The following ZNF77 variants were observed in gnomAD, a reference collection of about 807,000 sequenced individuals.
ZNF77 encodes zinc finger protein 77, also known as ZNFpT1.
Under a neutral mutation model 13.5 loss-of-function variants are expected in ZNF77, and 15 were observed. The observed-to-expected ratio is 1.11, with a 90% CI of 0.74 to 1.71. ZNF77 has a LOEUF of 1.71. ZNF77 is among the 40% of genes most tolerant of loss of function. ZNF77 has a pLI of 0.00. For synonymous variants in ZNF77, 282 were observed against 250.0 expected (o/e 1.13, Z -1.21); for missense variants, 717 against 676.4 (o/e 1.06, Z -0.67).
At position 2,934,337 on chromosome 19, in the gene ZNF77, CTG is replaced by C; in HGVS notation, c.788_789del (p.Thr263ArgfsTer6). The C allele has an allele frequency of 2.5e-6, 4 of 1,614,188 alleles. No individual in the cohort carries two copies. The highest frequency in any genetic ancestry group is 3.4e-6 in the Non-Finnish European group (4 of 1,180,042). ...SYLTRHVRTH[T>X]GEKPYECKEC... ...TCCTTACACTCATAGGGTTTCTCTC[CTG>C]TGTGAGTTCTTACGTGCCGTGTAAG... On this transcript the variant is annotated frameshift_variant, in exon 4 of 4. Coordinates refer to ENST00000314531, the MANE Select transcript of ZNF77 (RefSeq NM_021217.3). LOFTEE classifies it low-confidence loss of function (END_TRUNC).
rs368211745 is a variant in ZNF77, at chr19:2,941,130, T to A, written c.4-1723A>T. 4.4e-5 allele frequency among the ~76,000 whole-genome samples: 6 copies of A among 137,564 alleles called. No individual in the cohort carries two copies. In the Admixed American group the frequency reaches 4.8e-4, roughly 11 times the overall value. 90.2% of individuals were successfully genotyped at this position (137,564 alleles called of 152,430 possible). A position where few individuals can be genotyped will look rare whatever the true frequency, so the allele number is the denominator to read the frequency against. The stretch of plus-strand genomic sequence containing the variant: ...GTTGAGGCTGTAGTGAGCCACGATG[T>A]CACCACTGCACTCCAGCGTGGGTGA... On this transcript the variant is annotated intron_variant, in intron 1 of 3. Transcript: ENST00000314531.
intron 1 of ZNF77, among the ~76,000 whole-genome samples, chr19:2,943,690 G>C (rs1246429624): frequency 1.2e-5 from 1 of 83,162 alleles, no homozygotes; most frequent in African/African-American, 4.4e-5. Context: ...TCTCTAGCCA[G>C]GATTTTTTTT....
intron 1 of ZNF77, among the ~76,000 whole-genome samples, chr19:2,943,898 C>G (rs1333175286): frequency 8.6e-5 from 13 of 151,574 alleles, no homozygotes; most frequent in Admixed American, 8.6e-4. Flanking sequence ...TTAGTAGAGA[C>G]GGGATTTCGC....
chr19:2,944,949 C>A lies in ZNF77; in HGVS notation c.-109G>T. 2 of 1,390,324 alleles carry A rather than the reference C, an allele frequency of 1.4e-6. No individual in the cohort carries two copies. The highest frequency in any genetic ancestry group is 1.4e-5 in the South Asian group (1 of 70,002). 86.1% of individuals were successfully genotyped at this position (1,390,324 alleles called of 1,614,324 possible). A position where few individuals can be genotyped will look rare whatever the true frequency, so the allele number is the denominator to read the frequency against. On this transcript the variant is annotated 5_prime_UTR_variant, in exon 1 of 4. Coordinates refer to ENST00000314531, the MANE Select transcript of ZNF77 (RefSeq NM_021217.3). ...CGCTCGGGGTAGGCGGGGAAGCGCG[C>A]AAGGCAGAGGGGAACTCGGCTTACC...
rs577652474 is a variant in ZNF77 at position 2,933,675 on chromosome 19, T to C, written c.1452A>G (p.Arg484=). Residue 484 remains arginine, a synonymous_variant, in exon 4 of 4, where the codon AGA becomes AGG. Coordinates refer to ENST00000314531, the MANE Select transcript of ZNF77 (RefSeq NM_021217.3). ...CGTAGGGTTTGACCCCACTGTGTGA[T>C]CTCACATGCTTTTGAAAGTACTGAG... ...SHAQYFQKHV[R]SHSGVKPYEC... 5.0e-5 allele frequency: 80 copies of C among 1,612,762 alleles called. No homozygotes were observed. In the South Asian group the frequency reaches 8.6e-4, roughly 17 times the overall value.
rs942846466 is a variant in ZNF77, at chr19:2,938,399, T to A, written c.130+882A>T. On this transcript the variant is annotated intron_variant, in intron 2 of 3. Transcript: ENST00000314531. ...AACTTGGATTTACTTTATCACAGTG[T>A]ACTTTGATTTTCAAAGTACAGTTAC... 2.0e-5 allele frequency among the ~76,000 whole-genome samples: 3 copies of A among 152,252 alleles called. No individual in the cohort carries two copies. In the South Asian group the frequency reaches 6.2e-4, roughly 31 times the overall value.
chr19:2,934,516 T>C lies in ZNF77; in HGVS notation c.611A>G (p.Lys204Arg), dbSNP rs761554098. 4.3e-6 allele frequency: 7 copies of C among 1,614,252 alleles called. No homozygotes were observed. The Admixed American group carries it at 6.7e-5, about 15-fold the overall frequency. Residue 204 changes from lysine to arginine, a missense_variant, in exon 4 of 4, where the codon AAA (lysine) becomes AGA (arginine). Coordinates refer to ENST00000314531, the MANE Select transcript of ZNF77 (RefSeq NM_021217.3). ...DSRTASVTYV[K>R]SLSSKKSYEC... ...ATAAGACTTTTTACTGCTGAGACTT[T>C]TCACGTATGTCACAGATGCTGTCCT...
chr19:2,941,309 C>T lies in ZNF77; in HGVS notation c.4-1902G>A, dbSNP rs541702035. On this transcript the variant is annotated intron_variant, in intron 1 of 3. Coordinates refer to ENST00000314531, the MANE Select transcript of ZNF77 (RefSeq NM_021217.3). The stretch of plus-strand genomic sequence containing the variant: ...CCTGGCCAACATGGTGAAACCGCAC[C>T]GCTACTAAAAATACAAAAATTAGCC... 1.1e-4 allele frequency among the ~76,000 whole-genome samples: 16 copies of T among 151,902 alleles called. No individual in the cohort carries two copies. In the South Asian group the frequency reaches 1.2e-3, roughly 12 times the overall value.
At chr19:2,942,166 G>A (rs556244561) in intron 1 of ZNF77, among the ~76,000 whole-genome samples, 20 of 150,616 alleles carry the variant, frequency 1.3e-4, no homozygotes, top group East Asian at 3.9e-4. Context: ...CCGCCTCCCC[G>A]GTTCAAGCGA....
At chr19:2,937,630 C>A (rs565439190) in intron 2 of ZNF77, among the ~76,000 whole-genome samples, 3 of 152,136 alleles carry the variant, frequency 2.0e-5, no homozygotes, top group South Asian at 4.1e-4. Flanking sequence ...TCCTCGTATA[C>A]GAGGAAATCC....
intron 3 of ZNF77, 96 bp from the exon 4 acceptor site, chr19:2,934,911 C>T: frequency 6.9e-7 from 1 of 1,449,204 alleles, no homozygotes; most frequent in Non-Finnish European, 9.2e-7. Context: ...CATTATTTGC[C>T]AATTTCACTG....
intron 2 of ZNF77, among the ~76,000 whole-genome samples, chr19:2,937,492 C>CAA (rs760848220): frequency 1.6e-5 from 2 of 127,218 alleles, no homozygotes; most frequent in South Asian, 2.5e-4. Context: ...AACTGTGTCT[C>CAA]AAAAAAAAAA....
chr19:2,934,224 A>T lies in ZNF77; in HGVS notation c.903T>A (p.Cys301Ter). 1.9e-6 allele frequency: 3 copies of T among 1,614,092 alleles called. No homozygotes were observed. The highest frequency in any genetic ancestry group is 2.5e-6 in the Non-Finnish European group (3 of 1,180,028). The change falls in exon 4 of 4, where the codon TGT becomes TGA. Residue 301 changes from cysteine to a stop codon, truncating the protein, a stop_gained. Coordinates refer to ENST00000314531, the MANE Select transcript of ZNF77 (RefSeq NM_021217.3). LOFTEE classifies it low-confidence loss of function (END_TRUNC). ...TGEKPYECKH[C>*]GKSFSCYSSF... ...AGGAGTAACAGCTGAATGATTTTCCACAATGCTTACATTCATACGGTTTCT... is the reference window on the plus strand; with the variant it reads ...AGGAGTAACAGCTGAATGATTTTCCTCAATGCTTACATTCATACGGTTTCT...
chr19:2,943,074 G>A lies in ZNF77; in HGVS notation c.3+1764C>T, dbSNP rs371067927. ...TGGGAGTACAGGCATGAGCCACCGC[G>A]CCAGGCCTAGCCAACTCTTCAGATG... On this transcript the variant is annotated intron_variant, in intron 1 of 3. Transcript: ENST00000314531. Among the ~76,000 whole-genome samples the A allele has an allele frequency of 3.1e-4, 47 of 152,120 alleles. No individual in the cohort carries two copies. In the East Asian group the frequency reaches 5.6e-3, roughly 18 times the overall value.
chr19:2,938,510 A>G (rs1189088248), intron 2 of ZNF77, among the ~76,000 whole-genome samples: 2 of 152,224 alleles, frequency 1.3e-5, no homozygotes, highest in African/African-American at 2.4e-5. Context: ...TGGGCAGCCA[A>G]GGACTGGTGA....
chr19:2,935,623 G>A (rs767456720), intron 3 of ZNF77, among the ~76,000 whole-genome samples: 10 of 151,906 alleles, frequency 6.6e-5, no homozygotes, highest in East Asian at 1.9e-4. Flanking sequence ...GAGCCACTGC[G>A]CCCAGCCCAC....
rs2088379851 is a variant in ZNF77, at chr19:2,934,659, T to A, written c.468A>T (p.Arg156Ser). 6.2e-7 allele frequency: 1 copy of A among 1,614,084 alleles called. No individual in the cohort carries two copies. Among genetic ancestry groups the A allele is most frequent in the Admixed American group, 1.7e-5 (1 of 59,994 alleles). Residue 156 changes from arginine to serine, a missense_variant, in exon 4 of 4, where the codon AGA becomes AGT. Transcript: ENST00000314531. ...TACACGGTCTCTGTCCAGTGTGAGA[T>A]CTCTGCCGATTCTCGAAGGCTTTGC... ...KCGKAFENRQ[R>S]SHTGQRPCKE... is the part of the protein sequence containing the mutation.
At chr19:2,942,600 G>T (rs768687162) in intron 1 of ZNF77, among the ~76,000 whole-genome samples, 4 of 151,980 alleles carry the variant, frequency 2.6e-5, no homozygotes, top group Non-Finnish European at 4.4e-5. Context: ...AGACGAGGCT[G>T]TTCGCAGCTG....
chr19:2,939,059 C>A (rs140348764), intron 2 of ZNF77, among the ~76,000 whole-genome samples: 15 of 89,918 alleles, frequency 1.7e-4, no homozygotes, highest in African/African-American at 6.9e-4. Flanking sequence ...GAGGGAATGA[C>A]GCCATCCTTA....
Sources: gnomAD v4.1 joint callset for allele counts (sites outside exome capture counted in the v4.1 genomes callset) on GRCh38, gnomAD v4.1.1 for gene constraint, MANE v1.5 for transcripts, NCBI Gene and HGNC (gene_info 2026-07-23, HGNC 2026-07-21) for gene names.